Variants in DISC1 observed in about 807,000 individuals in gnomAD.
DISC1 encodes disrupted in schizophrenia 1 protein.
Under a neutral mutation model 84.5 loss-of-function variants are expected in DISC1, and 57 were observed. The observed-to-expected ratio is 0.67, with a 90% CI of 0.55 to 0.84. The LOEUF (loss-of-function observed/expected upper bound fraction) is 0.84, where lower values mean the gene tolerates loss of function less well. Among genes scored for constraint, DISC1 ranks in the 40% least tolerant of loss-of-function variants. DISC1 has a pLI of 0.00. For synonymous variants in DISC1, 411 were observed against 415.2 expected (o/e 0.99, Z 0.12); for missense variants, 1,000 against 1,057.8 (o/e 0.95, Z 0.76).
chr1:231,805,128 C>T (rs572115137), intron 8 of DISC1, among the ~76,000 whole-genome samples: 1 of 152,276 alleles, frequency 6.6e-6, no homozygotes, highest in South Asian at 2.1e-4. Flanking sequence ...CCCATTGTTT[C>T]TCTCCCTTTT....
intron 4 of DISC1, among the ~76,000 whole-genome samples, chr1:231,758,267 C>T (rs1351572133): frequency 6.6e-6 from 1 of 152,106 alleles, no homozygotes; most frequent in African/African-American, 2.4e-5. Context: ...GTTAAGAGAA[C>T]CTAAATATAG....
intron 6 of DISC1, among the ~76,000 whole-genome samples, chr1:231,782,859 T>C (rs944065076): frequency 1.3e-5 from 2 of 152,074 alleles, no homozygotes; most frequent in Non-Finnish European, 2.9e-5. Flanking sequence ...GGAGAGTCAC[T>C]TGAACATGGG....
intron 1 of DISC1, 147 bp downstream of exon 1, chr1:231,627,081 G>C: frequency 1.8e-6 from 1 of 563,116 alleles, no homozygotes; most frequent in South Asian, 2.7e-5. Flanking sequence ...CAGGACGCGA[G>C]GCGTGCGAGG....
intron 3 of DISC1, chr1:231,723,774 G>A: frequency 2.0e-6 from 2 of 985,432 alleles, no homozygotes; most frequent in Non-Finnish European, 2.4e-6. Flanking sequence ...GTGAGGAAAG[G>A]CAAGAACCGA....
chr1:231,797,362 T>A (rs146055424), intron 7 of DISC1, among the ~76,000 whole-genome samples: 81 of 152,346 alleles, frequency 5.3e-4, no homozygotes, highest in African/African-American at 1.9e-3. Flanking sequence ...CTACTCCATT[T>A]GAGTTGCTAT....
intron 6 of DISC1, among the ~76,000 whole-genome samples, chr1:231,781,683 T>A (rs199960814): frequency 2.6e-5 from 4 of 152,232 alleles, no homozygotes; most frequent in Non-Finnish European, 5.9e-5. Flanking sequence ...TTTTGCAATC[T>A]TCTGTTCCCT....
chr1:231,694,581 G>A lies in DISC1; in HGVS notation c.823G>A (p.Ala275Thr), dbSNP rs750932225. The part of the protein sequence containing the change: ...PFSLLATRVS[A>T]DLAQAARNSS... ...CAGTCTCTTGGCTACACGGGTCTCT[G>A]CAGACTTGGCCCAGGCCGCAAGGAA... Residue 275 changes from alanine to threonine, a missense_variant, in exon 2 of 13, where the codon GCA becomes ACA. Transcript: ENST00000439617. 2.5e-6 allele frequency: 4 copies of A among 1,614,126 alleles called. No homozygotes were observed. The African/African-American group carries it at 5.3e-5, about 22-fold the overall frequency.
chr1:231,724,497 G>T (rs201987570), intron 3 of DISC1, among the ~76,000 whole-genome samples: 1 of 152,188 alleles, frequency 6.6e-6, no homozygotes, highest in African/African-American at 2.4e-5. Context: ...CCAGGAGAGG[G>T]AACCAGCGTA....
Position 231,833,383 on chromosome 1 carries a change from A to C in DISC1, c.1981+14866A>C, listed in dbSNP as rs181955418. ...GCCTCCATATTGATTAAGAAGGGGA[A>C]GGACTTACCCTCCACTGTGAGAGTT... is the stretch of plus-strand genomic sequence containing the variant. On this transcript the variant is annotated intron_variant, in intron 9 of 12. Coordinates refer to ENST00000439617, the MANE Select transcript of DISC1 (RefSeq NM_018662.3). 1.8e-3 allele frequency among the ~76,000 whole-genome samples: 272 copies of C among 151,572 alleles called. 8 individuals carry two copies. Among genetic ancestry groups the C allele is most frequent in the African/African-American group, 6.4e-3 (260 of 40,940 alleles).
At chr1:231,907,576 T>C (rs1231521973) in intron 9 of DISC1, among the ~76,000 whole-genome samples, 1 of 152,212 alleles carries the variant, frequency 6.6e-6, no homozygotes, top group African/African-American at 2.4e-5. Context: ...CAGTCTATCA[T>C]TGATGGATAT....
At chr1:231,782,787 C>CA in intron 6 of DISC1, among the ~76,000 whole-genome samples, 1 of 151,738 alleles carries the variant, frequency 6.6e-6, no homozygotes, top group Admixed American at 6.6e-5. Flanking sequence ...AAAAAAAATA[C>CA]AAAAATTAGC....
At chr1:232,023,534 G>T (rs542023168) in intron 11 of DISC1, among the ~76,000 whole-genome samples, 2 of 152,088 alleles carry the variant, frequency 1.3e-5, no homozygotes, top group African/African-American at 2.4e-5. Flanking sequence ...AATTTAAAGC[G>T]CTTGTTATGT....
At chr1:232,015,955 T>C (rs1558839165) in intron 11 of DISC1, among the ~76,000 whole-genome samples, 1 of 152,102 alleles carries the variant, frequency 6.6e-6, no homozygotes, top group East Asian at 1.9e-4. Flanking sequence ...GCTTGGGTAA[T>C]AGTGAGAGAA....
At chr1:231,796,693 A>C (rs1313296430) in intron 7 of DISC1, among the ~76,000 whole-genome samples, 3 of 152,164 alleles carry the variant, frequency 2.0e-5, no homozygotes, top group Non-Finnish European at 4.4e-5. Context: ...CCCGTAAGAC[A>C]GCATCGGAGC....
chr1:231,995,489 C>T (rs939652939), intron 10 of DISC1, among the ~76,000 whole-genome samples: 10 of 151,876 alleles, frequency 6.6e-5, no homozygotes, highest in Non-Finnish European at 1.2e-4. Flanking sequence ...ATCCCTCCCC[C>T]CTATCCCCAC....
chr1:232,020,607 C>T (rs1440827302), intron 11 of DISC1, among the ~76,000 whole-genome samples: 1 of 152,132 alleles, frequency 6.6e-6, no homozygotes, highest in Non-Finnish European at 1.5e-5. Context: ...GCAGTTATAA[C>T]CCAAGGCAGA....
chr1:231,792,100 C>A (rs1038464967), intron 6 of DISC1, among the ~76,000 whole-genome samples: 3 of 152,090 alleles, frequency 2.0e-5, no homozygotes, highest in African/African-American at 7.2e-5. Context: ...TCTGTATATA[C>A]CCCAGGGATA....
chr1:231,945,624 G>A (rs1443027972), intron 9 of DISC1, among the ~76,000 whole-genome samples: 1 of 152,190 alleles, frequency 6.6e-6, no homozygotes, highest in African/African-American at 2.4e-5. Flanking sequence ...GAGCAGAACT[G>A]AAGGAGATAG....
In DISC1 at chr1:232,007,238, G is replaced by T. The variant is rs140458512; in HGVS notation, c.2043-1547G>T. On this transcript the variant is annotated intron_variant, in intron 10 of 12. Transcript: ENST00000439617. ...GGGGCACTGCCTAGTGGAGCTGTGA[G>T]AAGAGGGCCACCAACCTTCAGACCC... Among the ~76,000 whole-genome samples, 292 of 152,318 alleles carry T rather than the reference G, an allele frequency of 1.9e-3. 1 individual carries two copies. The highest frequency in any genetic ancestry group is 3.3e-3 in the Non-Finnish European group (226 of 68,030).
Sources: gnomAD v4.1 joint callset for allele counts (sites outside exome capture counted in the v4.1 genomes callset) on GRCh38, gnomAD v4.1.1 for gene constraint, MANE v1.5 for transcripts, NCBI Gene and HGNC (gene_info 2026-07-23, HGNC 2026-07-21) for gene names.